The following CDKAL1 variants were observed in gnomAD, a reference collection of about 807,000 sequenced individuals.
CDKAL1 encodes the protein CDKAL1 threonylcarbamoyladenosine tRNA methylthiotransferase.
A neutral mutation model predicts 68.2 loss-of-function variants in CDKAL1; 32 were observed. The ratio of observed to expected loss-of-function variants is 0.47; its 90% CI spans 0.35 to 0.63. The LOEUF (loss-of-function observed/expected upper bound fraction) is 0.63, where lower values mean the gene tolerates loss of function less well. Ranked by LOEUF, CDKAL1 falls within the 30% of genes least tolerant of loss-of-function variation. The probability of loss-of-function intolerance (pLI) is 0.00; values close to 1 mark genes in which losing one functional copy is unlikely to be tolerated. For missense variants in CDKAL1, 606 were observed against 696.7 expected (o/e 0.87, Z 1.47); for synonymous variants, 234 against 244.3 (o/e 0.96, Z 0.39).
At chr6:21,043,725 T>A (rs1336289256) in intron 11 of CDKAL1, among the ~76,000 whole-genome samples, 1 of 152,236 alleles carries the variant, frequency 6.6e-6, no homozygotes, top group Admixed American at 6.5e-5. Context: ...TTAACATCTT[T>A]TAAAAGTATC....
intron 12 of CDKAL1, among the ~76,000 whole-genome samples, chr6:21,072,577 A>AAAAAAAAAAC (rs1771843540): frequency 6.7e-6 from 1 of 150,286 alleles, no homozygotes; most frequent in Non-Finnish European, 1.5e-5. Context: ...AAAAAAAAAA[A>AAAAAAAAAAC]AAAGCCTGTT....
intron 13 of CDKAL1, among the ~76,000 whole-genome samples, chr6:21,196,166 G>A (rs1439914189): frequency 1.3e-5 from 2 of 152,152 alleles, no homozygotes; most frequent in African/African-American, 2.4e-5. Context: ...AGTTTTCAGT[G>A]GCTCTACAAT....
chr6:20,725,801 A>T (rs74583475), intron 5 of CDKAL1, among the ~76,000 whole-genome samples: 2 of 151,506 alleles, frequency 1.3e-5, no homozygotes, highest in African/African-American at 2.4e-5. Flanking sequence ...AAAAAAAAAA[A>T]AAAGAAAAAG....
At chr6:20,613,608 G>A (rs1306000027) in intron 4 of CDKAL1, among the ~76,000 whole-genome samples, 1 of 149,176 alleles carries the variant, frequency 6.7e-6, no homozygotes, top group Non-Finnish European at 1.5e-5. Context: ...TTTTGAAGTA[G>A]TAGTATATTC....
intron 5 of CDKAL1, among the ~76,000 whole-genome samples, chr6:20,688,593 T>A (rs975196934): frequency 2.0e-5 from 3 of 152,222 alleles, no homozygotes; most frequent in African/African-American, 4.8e-5. Context: ...TTCTCTTATA[T>A]GTTTTTTGTT....
intron 6 of CDKAL1, among the ~76,000 whole-genome samples, chr6:20,750,146 G>A (rs527833060): frequency 7.2e-5 from 11 of 152,176 alleles, no homozygotes; most frequent in South Asian, 2.1e-4. Flanking sequence ...ACAAGGTTTC[G>A]CCCTGTCACT....
At chr6:20,641,721 G>T (rs193236667) in intron 4 of CDKAL1, among the ~76,000 whole-genome samples, 4 of 152,104 alleles carry the variant, frequency 2.6e-5, no homozygotes, top group African/African-American at 9.7e-5. Context: ...CTGCAGTCCC[G>T]TAATTTATTT....
chr6:21,034,796 C>T (rs1039222080), intron 11 of CDKAL1, among the ~76,000 whole-genome samples: 2 of 152,152 alleles, frequency 1.3e-5, no homozygotes, highest in Non-Finnish European at 2.9e-5. Flanking sequence ...GTTGCTGTTA[C>T]ATTTTTTAAA....
At chr6:20,915,168 C>CAA (rs68091041) in intron 9 of CDKAL1, among the ~76,000 whole-genome samples, 5 of 138,540 alleles carry the variant, frequency 3.6e-5, no homozygotes, top group African/African-American at 1.3e-4. Context: ...TATATAATGG[C>CAA]AAAAAAAAAA....
At position 21,062,600 on chromosome 6, in the gene CDKAL1, G is replaced by A. The variant is rs114738108; in HGVS notation, c.1056-2448G>A. ...TGTCTCTTTTTCTATTTATCATCAT[G>A]GAGAAAAGTTCCAGTCCTTGGAATT... On this transcript the variant is annotated intron_variant, in intron 11 of 15. Transcript: ENST00000274695. 8.9e-3 allele frequency among the ~76,000 whole-genome samples: 1,349 copies of A among 152,134 alleles called. 9 individuals carry two copies. The highest frequency in any genetic ancestry group is 0.012 in the Non-Finnish European group (834 of 67,982).
At chr6:21,133,933 A>G (rs60013532) in intron 13 of CDKAL1, among the ~76,000 whole-genome samples, 2,809 of 152,276 alleles carry the variant, frequency 0.018, 75 homozygotes, top group African/African-American at 0.064. Flanking sequence ...TTATTTGCTC[A>G]TATTTACTTT....
At chr6:21,117,114 CT>C (rs1774452331) in intron 13 of CDKAL1, among the ~76,000 whole-genome samples, 1 of 151,624 alleles carries the variant, frequency 6.6e-6, no homozygotes, top group Non-Finnish European at 1.5e-5. Flanking sequence ...CCCAACAGCT[CT>C]GTTTTTTTTC....
chr6:20,704,519 G>T (rs1771513030), intron 5 of CDKAL1, among the ~76,000 whole-genome samples: 1 of 152,170 alleles, frequency 6.6e-6, no homozygotes, highest in Admixed American at 6.5e-5. Flanking sequence ...GAAACAGCAA[G>T]GAGAGGCAAG....
intron 5 of CDKAL1, among the ~76,000 whole-genome samples, chr6:20,688,218 G>A (rs1191844099): frequency 6.8e-6 from 1 of 147,612 alleles, no homozygotes; most frequent in Admixed American, 6.8e-5. Context: ...TAGTTTTTTT[G>A]GTTTTTATCC....
intron 13 of CDKAL1, among the ~76,000 whole-genome samples, chr6:21,181,959 A>G (rs1391349625): frequency 1.3e-5 from 2 of 152,196 alleles, no homozygotes; most frequent in East Asian, 3.9e-4. Flanking sequence ...CAAGACACGT[A>G]ATAAGTAGCA....
intron 4 of CDKAL1, among the ~76,000 whole-genome samples, chr6:20,562,195 C>T (rs565975932): frequency 3.9e-5 from 6 of 152,044 alleles, no homozygotes; most frequent in South Asian, 2.1e-4. Context: ...TTATTTGCAA[C>T]GGTTGGTAAA....
Position 20,892,676 on chromosome 6 carries a change from A to G in CDKAL1, c.742+46498A>G, listed in dbSNP as rs551124845. 2.0e-5 allele frequency among the ~76,000 whole-genome samples: 3 copies of G among 152,346 alleles called. No individual in the cohort carries two copies. The South Asian group carries it at 6.2e-4, about 32-fold the overall frequency. On this transcript the variant is annotated intron_variant, in intron 9 of 15. Transcript: ENST00000274695. Reference sequence around the variant, plus strand: ...TCCATCTACAGAATCATCCAGATTTAACAAAGCAGTTCTCACTTTAAAATT... The same window carrying G: ...TCCATCTACAGAATCATCCAGATTTGACAAAGCAGTTCTCACTTTAAAATT...
chr6:20,810,763 A>G (rs1776781866), intron 8 of CDKAL1, among the ~76,000 whole-genome samples: 2 of 151,866 alleles, frequency 1.3e-5, no homozygotes, highest in Non-Finnish European at 2.9e-5. Context: ...AATAAAATTA[A>G]TTAGGTTTCC....
At chr6:21,064,503 G>A (rs150498843) in intron 11 of CDKAL1, among the ~76,000 whole-genome samples, 1 of 152,086 alleles carries the variant, frequency 6.6e-6, no homozygotes, top group East Asian at 1.9e-4. Flanking sequence ...ATCAACATAG[G>A]TATATAGAAC....
Sources: allele counts gnomAD v4.1 joint callset (sites outside exome capture counted in the v4.1 genomes callset), GRCh38; gene constraint gnomAD v4.1.1; transcripts MANE v1.5; gene names NCBI Gene and HGNC (gene_info 2026-07-23, HGNC 2026-07-21).